The following OPRL1 variants were observed in gnomAD, a reference collection of about 807,000 sequenced individuals.
OPRL1 encodes nociceptin receptor.
Under a neutral mutation model 15.5 loss-of-function variants are expected in OPRL1, and 5 were observed. The ratio of observed to expected loss-of-function variants is 0.32; its 90% confidence interval spans 0.17 to 0.68. OPRL1 has a LOEUF of 0.68. Among genes scored for constraint, OPRL1 ranks in the 30% least tolerant of loss-of-function variants. OPRL1 has a pLI of 0.72. For synonymous variants in OPRL1, 223 were observed against 230.2 expected, an observed-to-expected ratio of 0.97 and a Z score of 0.28; for missense variants, 406 against 515.3, an observed-to-expected ratio of 0.79 and a Z score of 2.05.
At position 64,083,907 on chromosome 20, in the gene OPRL1, C is replaced by T. The variant is rs570004694; in HGVS notation, c.-185+3555C>T. 6.2e-6 allele frequency: 9 copies of T among 1,446,554 alleles called. No individual in the cohort carries two copies. The highest frequency in any genetic ancestry group is 2.4e-4 in the Middle Eastern group (1 of 4,152). The allele number at this position is 1,446,554 out of a possible 1,614,324, so 89.6% of individuals were successfully genotyped here. A position where few individuals can be genotyped will look rare whatever the true frequency, so the allele number is the denominator to read the frequency against. On this transcript the variant is annotated intron_variant, in intron 1 of 4. Transcript: ENST00000336866. The surrounding 1 kb of genome is among the most constrained non-coding windows in gnomAD (Gnocchi z 4.9). ...ACGCCGAGGAGCCGGTTCTGGCGCT[C>T]GGCGGGCAGCTCGAGCGACTGCGTC...
chr20:64,098,135 C>T lies in OPRL1; in HGVS notation c.567C>T (p.Gly189=), dbSNP rs1424071526. 1 of 1,613,218 alleles carries T rather than the reference C, an allele frequency of 6.2e-7. No individual in the cohort carries two copies. Among genetic ancestry groups the T allele is most frequent in the Non-Finnish European group, 8.5e-7 (1 of 1,179,986 alleles). Reference sequence around the variant, plus strand: ...TCGGTGTTCCCGTTGCCATCATGGGCTCGGCACAGGTCGAGGATGAAGGTC... The same window carrying T: ...TCGGTGTTCCCGTTGCCATCATGGGTTCGGCACAGGTCGAGGATGAAGGTC... ...SVVGVPVAIM[G]SAQVEDEEIE... The change falls in exon 4 of 5, where the codon GGC becomes GGT. Residue 189 remains glycine (G), a synonymous_variant. Transcript: ENST00000336866.
Position 64,083,255 on chromosome 20 carries a change from T to G in OPRL1, c.-185+2903T>G. ...ACCCACCCACTTGCGTCTCCCCACT[T>G]TTTTGGGAGAGGCCCCACTCTCTGT... On this transcript the variant is annotated intron_variant, in intron 1 of 4. Coordinates refer to ENST00000336866, the MANE Select transcript of OPRL1 (RefSeq NM_182647.4). The surrounding 1 kb of genome is among the most constrained non-coding windows in gnomAD (Gnocchi z 4.9). 1 of 865,186 alleles carries G rather than the reference T, an allele frequency of 1.2e-6. No homozygotes were observed. The highest frequency in any genetic ancestry group is 1.7e-6 in the Non-Finnish European group (1 of 572,608). 53.6% of individuals were successfully genotyped at this position (865,186 alleles called of 1,614,324 possible). A position where few individuals can be genotyped will look rare whatever the true frequency, so the allele number is the denominator to read the frequency against.
At chr20:64,084,278 C>G in intron 1 of OPRL1, 1 of 1,314,110 alleles carries the variant, frequency 7.6e-7, no homozygotes, top group Non-Finnish European at 9.7e-7. Flanking sequence ...GCACCGGGCC[C>G]TGCCCGCCCC....
At position 64,097,739 on chromosome 20, in the gene OPRL1, C is replaced by T; in HGVS notation, c.234-63C>T. On this transcript the variant is annotated intron_variant, in intron 3 of 4. Transcript: ENST00000336866. This position sits in a 1 kb window ranked among gnomAD's most constrained non-coding sequence, Gnocchi z 4.2. ...GTGGTGGCCAAGAGGAGCCCCTTGC[C>T]CTTTGCTGCCTGGTCCAGCCAGCAT... The T allele has an allele frequency of 1.4e-6, 2 of 1,454,238 alleles. No individual in the cohort carries two copies. The highest frequency in any genetic ancestry group is 1.9e-6 in the Non-Finnish European group (2 of 1,050,646). 90.1% of individuals were successfully genotyped at this position (1,454,238 alleles called of 1,614,324 possible).
At chr20:64,093,049 G>T (rs529551188) in intron 3 of OPRL1, 96 bp downstream of exon 3, 6 of 1,065,294 alleles carry the variant, frequency 5.6e-6, no homozygotes, top group Middle Eastern at 2.1e-4. Flanking sequence ...CTGAGCAGGT[G>T]TTGATTTCCT....
chr20:64,084,329 G>C (rs2060018049), intron 1 of OPRL1: 1 of 1,289,264 alleles, frequency 7.8e-7, no homozygotes, highest in Non-Finnish European at 9.8e-7. Context: ...CCGCCCGCTG[G>C]GCTCTCCGCA....
At chr20:64,087,813 C>G (rs1390574821) in intron 1 of OPRL1, among the ~76,000 whole-genome samples, 1 of 152,250 alleles carries the variant, frequency 6.6e-6, no homozygotes, top group Non-Finnish European at 1.5e-5. Context: ...ATTCTACCTT[C>G]CCCCTTCTGG....
Position 64,098,493 on chromosome 20 carries a change from G to A in OPRL1, c.807G>A (p.Val269=), listed in dbSNP as rs544747268. ...TCACTCGGCTGGTGCTGGTGGTAGT[G>A]GCTGTGTTCGTGGGCTGCTGGACGC... The part of the protein sequence containing the change: ...RRITRLVLVV[V]AVFVGCWTPV... Residue 269 remains valine (V), a synonymous_variant, in exon 5 of 5, where the codon GTG becomes GTA. Transcript: ENST00000336866. 2 of 1,613,084 alleles carry A rather than the reference G, an allele frequency of 1.2e-6. No homozygotes were observed.
rs1342010006 is a variant in OPRL1, at chr20:64,097,846, T to G, written c.278T>G (p.Leu93Arg). ...GCCACCAATATTTACATCTTTAACC[T>G]GGCCCTGGCCGACACTCTGGTCCTG... Reference protein sequence around the residue: ...KTATNIYIFNLALADTLVLLT... With the variant: ...KTATNIYIFNRALADTLVLLT... Residue 93 changes from leucine to arginine, a missense_variant, in exon 4 of 5, where the codon CTG (leucine) becomes CGG (arginine). Coordinates refer to ENST00000336866, the MANE Select transcript of OPRL1 (RefSeq NM_182647.4). This position sits in a 1 kb window ranked among gnomAD's most constrained non-coding sequence, Gnocchi z 4.2. The G allele has an allele frequency of 1.2e-6, 2 of 1,613,478 alleles. No individual in the cohort carries two copies. Among genetic ancestry groups the G allele is most frequent in the East Asian group, 4.5e-5 (2 of 44,904 alleles).
chr20:64,080,766 T>C (rs2059958454), intron 1 of OPRL1, among the ~76,000 whole-genome samples: 2 of 152,152 alleles, frequency 1.3e-5, no homozygotes, highest in Non-Finnish European at 2.9e-5. Context: ...GCCCCTCCCC[T>C]GGCCCGGCTG....
intron 3 of OPRL1, 114 bp downstream of exon 3, chr20:64,093,067 C>G (rs979056099): frequency 8.6e-6 from 8 of 930,810 alleles, no homozygotes; most frequent in Non-Finnish European, 1.3e-5. Flanking sequence ...CCTGCTTCCC[C>G]CATTCAATGT....
rs149018404 is a variant in OPRL1 at position 64,098,713 on chromosome 20, G to T, written c.1027G>T (p.Val343Leu). 4 of 1,612,460 alleles carry T rather than the reference G, an allele frequency of 2.5e-6. No individual in the cohort carries two copies. The highest frequency in any genetic ancestry group is 3.4e-6 in the Non-Finnish European group (4 of 1,179,962). The change falls in exon 5 of 5, where the codon GTG (valine) becomes TTG (leucine). Residue 343 changes from valine to leucine, a missense_variant. Val to Leu is a conservative substitution (Grantham distance 32). Coordinates refer to ENST00000336866, the MANE Select transcript of OPRL1 (RefSeq NM_182647.4). ...CTGTGCATCTGCCCTGCGCCGGGAC[G>T]TGCAGGTGTCTGACCGCGTGCGCAG... ...FCCASALRRD[V>L]QVSDRVRSIA...
chr20:64,088,882 G>A (rs62218112), intron 1 of OPRL1, among the ~76,000 whole-genome samples: 5,006 of 12,418 alleles, frequency 0.4, 638 homozygotes, highest in Admixed American at 0.43. Context: ...AGTGGCCAGG[G>A]TCTGTGCAGA....
At position 64,097,919 on chromosome 20, in the gene OPRL1, G is replaced by T; in HGVS notation, c.351G>T (p.Pro117=). The T allele has an allele frequency of 6.2e-7, 1 of 1,613,632 alleles. No individual in the cohort carries two copies. The highest frequency in any genetic ancestry group is 8.5e-7 in the Non-Finnish European group (1 of 1,180,006). The part of the protein sequence containing the change: ...QGTDILLGFW[P]FGNALCKTVI... ...CGGACATCCTCCTGGGCTTCTGGCC[G>T]TTTGGGAATGCGCTGTGCAAGACAG... is the stretch of plus-strand genomic sequence containing the variant. The change falls in exon 4 of 5, where the codon CCG becomes CCT. Residue 117 remains proline, a synonymous_variant. Coordinates refer to ENST00000336866, the MANE Select transcript of OPRL1 (RefSeq NM_182647.4). This position sits in a 1 kb window ranked among gnomAD's most constrained non-coding sequence, Gnocchi z 4.2.
At chr20:64,091,815 C>CTGTT (rs71197447) in intron 1 of OPRL1, among the ~76,000 whole-genome samples, 151 bp from the exon 2 acceptor site, 140,272 of 151,870 alleles carry the variant, frequency 0.92, 64,835 homozygotes, top group East Asian at 1. Context: ...TTTTTCATCT[C>CTGTT]TGTGTGTCCT....
intron 1 of OPRL1, among the ~76,000 whole-genome samples, chr20:64,085,616 G>A (rs2060039262): frequency 6.6e-6 from 1 of 152,178 alleles, no homozygotes; most frequent in Non-Finnish European, 1.5e-5. Flanking sequence ...GTTTAAATTA[G>A]GCAAAAATTA....
Position 64,090,246 on chromosome 20 carries a change from T to G in OPRL1, c.-184-1720T>G, listed in dbSNP as rs2060106546. On this transcript the variant is annotated intron_variant, in intron 1 of 4. Transcript: ENST00000336866. This position sits in a 1 kb window ranked among gnomAD's most constrained non-coding sequence, Gnocchi z 4.9. Reference sequence around the variant, plus strand: ...GTATGCCTGTCTGGGCATCTGTGTGTGTGTTTGCAGGAATGTGTGTCCCCA... The same window carrying G: ...GTATGCCTGTCTGGGCATCTGTGTGGGTGTTTGCAGGAATGTGTGTCCCCA... Among the ~76,000 whole-genome samples the G allele has an allele frequency of 6.6e-6, 1 of 152,180 alleles. No homozygotes were observed.
Position 64,081,707 on chromosome 20 carries a change from T to C in OPRL1, c.-185+1355T>C, listed in dbSNP as rs114634758. ...TGGGCTTTGGACCACATGCCTTCCT[T>C]CCCATAGAGCTTTCTACAGGCAGGC... On this transcript the variant is annotated intron_variant, in intron 1 of 4. Coordinates refer to ENST00000336866, the MANE Select transcript of OPRL1 (RefSeq NM_182647.4). Among the ~76,000 whole-genome samples the C allele has an allele frequency of 8.8e-3, 1,343 of 152,190 alleles. 19 individuals carry two copies. Among genetic ancestry groups the C allele is most frequent in the African/African-American group, 0.03 (1,249 of 41,528 alleles).
In OPRL1 at chr20:64,099,791, G is replaced by C. The variant is rs1249327001; in HGVS notation, c.*992G>C. The stretch of plus-strand genomic sequence containing the variant: ...GGTCTTGACTGCTCTGTTTGGGTGG[G>C]AGAAGATTCTCTGGGGGTCCCCACA... On this transcript the variant is annotated 3_prime_UTR_variant, in exon 5 of 5. Transcript: ENST00000336866. 1 of 152,348 alleles carries C rather than the reference G, an allele frequency of 6.6e-6. No individual in the cohort carries two copies. Among genetic ancestry groups the C allele is most frequent in the Non-Finnish European group, 1.5e-5 (1 of 68,118 alleles). The allele number at this position is 152,348 out of a possible 1,614,324, so 9.4% of individuals were successfully genotyped here.
Sources: gnomAD v4.1 joint callset for allele counts (sites outside exome capture counted in the v4.1 genomes callset) on GRCh38, gnomAD v4.1.1 for gene constraint, Gnocchi (gnomAD v3.1) non-coding constraint, MANE v1.5 for transcripts, NCBI Gene and HGNC (gene_info 2026-07-23, HGNC 2026-07-21) for gene names.